Variants in VWC2L observed in about 807,000 individuals in gnomAD.
VWC2L encodes von Willebrand factor C domain containing 2 like, also known as von Willebrand factor C domain-containing protein 2-like.
VWC2L carries 10 observed loss-of-function variants against 21.6 expected under a neutral mutation model. That is an observed-to-expected ratio of 0.46 (90% CI 0.29 to 0.78). VWC2L has a LOEUF of 0.78. VWC2L is among the 30% of genes least tolerant of loss of function. The pLI, the probability that VWC2L is intolerant of heterozygous loss-of-function variation, is 0.10. For synonymous variants in VWC2L, 96 were observed against 94.3 expected (o/e 1.02, Z -0.10); for missense variants, 209 against 277.1 (o/e 0.75, Z 1.74).
chr2:214,471,112 G>C (rs1703303387), intron 3 of VWC2L, among the ~76,000 whole-genome samples: 1 of 151,938 alleles, frequency 6.6e-6, no homozygotes. Flanking sequence ...TTGTCTACAA[G>C]AATGTCTCAA....
chr2:214,491,891 T>A (rs1688750181), intron 3 of VWC2L, among the ~76,000 whole-genome samples: 1 of 152,182 alleles, frequency 6.6e-6, no homozygotes, highest in Admixed American at 6.5e-5. Context: ...CTTCTCCCCC[T>A]TTTTCTCTTG....
At chr2:214,562,713 T>C (rs1453837521) in intron 3 of VWC2L, among the ~76,000 whole-genome samples, 2 of 152,252 alleles carry the variant, frequency 1.3e-5, no homozygotes, top group African/African-American at 2.4e-5. Flanking sequence ...CATTGTGGTT[T>C]TGACTTGCAT....
chr2:214,418,862 T>C (rs1457517685), intron 2 of VWC2L, among the ~76,000 whole-genome samples: 1 of 152,224 alleles, frequency 6.6e-6, no homozygotes, highest in Non-Finnish European at 1.5e-5. Flanking sequence ...CTGCCTATTT[T>C]CGTCCTGCCT....
chr2:214,527,022 T>C (rs1213692490), intron 3 of VWC2L, among the ~76,000 whole-genome samples: 1 of 151,998 alleles, frequency 6.6e-6, no homozygotes, highest in Non-Finnish European at 1.5e-5. Flanking sequence ...GGTGGTTCCG[T>C]GGTAGAAAAT....
chr2:214,477,325 G>A (rs1002630352), intron 3 of VWC2L, among the ~76,000 whole-genome samples: 1 of 152,230 alleles, frequency 6.6e-6, no homozygotes, highest in Non-Finnish European at 1.5e-5. Context: ...TTCTCTGGGA[G>A]CCATAGCTGT....
At position 214,460,745 on chromosome 2, in the gene VWC2L, C is replaced by A. The variant is rs562775144; in HGVS notation, c.520+23987C>A. Among the ~76,000 whole-genome samples the A allele has an allele frequency of 3.9e-5, 6 of 152,100 alleles. No individual in the cohort carries two copies. The East Asian group carries it at 7.7e-4, about 20-fold the overall frequency. On this transcript the variant is annotated intron_variant, in intron 3 of 3. Transcript: ENST00000312504. ...GAACTTAATATCATTATTTTAAATT[C>A]TTTTTCAAGCATTTCATAAATTTTT...
At chr2:214,470,021 G>T (rs949976073) in intron 3 of VWC2L, among the ~76,000 whole-genome samples, 19 of 152,116 alleles carry the variant, frequency 1.2e-4, no homozygotes, top group African/African-American at 4.3e-4. Flanking sequence ...GGAAAAAAAA[G>T]CAAAGCAAAA....
chr2:214,562,101 G>C (rs998213778), intron 3 of VWC2L, among the ~76,000 whole-genome samples: 2 of 151,850 alleles, frequency 1.3e-5, no homozygotes, highest in African/African-American at 2.4e-5. Context: ...TCATCACCCA[G>C]GTATTAAGCC....
intron 3 of VWC2L, among the ~76,000 whole-genome samples, chr2:214,494,382 T>G (rs4637109): frequency 0.91 from 138,484 of 152,192 alleles, 64,310 homozygotes; most frequent in Non-Finnish European, 1. Context: ...CTATTAGAAT[T>G]ACCTAAGACA....
chr2:214,541,837 G>A (rs1448583037), intron 3 of VWC2L, among the ~76,000 whole-genome samples: 3 of 151,858 alleles, frequency 2.0e-5, no homozygotes, highest in African/African-American at 7.3e-5. Flanking sequence ...ATTTTAATCT[G>A]AGTCACTAAA....
At chr2:214,439,922 A>G (rs902074934) in intron 3 of VWC2L, among the ~76,000 whole-genome samples, 1 of 151,950 alleles carries the variant, frequency 6.6e-6, no homozygotes, top group East Asian at 1.9e-4. Context: ...TTAATATTAT[A>G]AAGTGCAGGG....
In VWC2L at chr2:214,575,941, A is replaced by G. The variant is rs1403897211; in HGVS notation, c.*121A>G. On this transcript the variant is annotated 3_prime_UTR_variant, in exon 4 of 4. Transcript: ENST00000312504. Reference sequence around the variant, plus strand: ...CAGCTACAACAGGGTCACCAGCAAAACTTTCTAGGGTTGACAAAAGTGAAT... The same window carrying G: ...CAGCTACAACAGGGTCACCAGCAAAGCTTTCTAGGGTTGACAAAAGTGAAT... 5.9e-6 allele frequency: 7 copies of G among 1,179,910 alleles called. No individual in the cohort carries two copies. The highest frequency in any genetic ancestry group is 8.2e-6 in the Non-Finnish European group (7 of 849,386). The allele number at this position is 1,179,910 out of a possible 1,614,324, so 73.1% of individuals were successfully genotyped here.
At chr2:214,462,502 A>G (rs1703158275) in intron 3 of VWC2L, among the ~76,000 whole-genome samples, 1 of 152,190 alleles carries the variant, frequency 6.6e-6, no homozygotes, top group African/African-American at 2.4e-5. Context: ...TTTGTGGAGG[A>G]AGCTGCTGCT....
chr2:214,477,773 A>C (rs1056932553), intron 3 of VWC2L, among the ~76,000 whole-genome samples: 2 of 152,266 alleles, frequency 1.3e-5, no homozygotes, highest in African/African-American at 2.4e-5. Flanking sequence ...TGAAGTCTTC[A>C]TCTTTCTTTG....
chr2:214,461,450 T>C (rs1703139001), intron 3 of VWC2L, among the ~76,000 whole-genome samples: 1 of 151,968 alleles, frequency 6.6e-6, no homozygotes, highest in Admixed American at 6.6e-5. Flanking sequence ...CACAACCAGG[T>C]GAGTGTTGGC....
chr2:214,415,716 A>G (rs2126169117), intron 2 of VWC2L, among the ~76,000 whole-genome samples: 1 of 152,302 alleles, frequency 6.6e-6, no homozygotes, highest in Non-Finnish European at 1.5e-5. Context: ...GAACCAGGTT[A>G]GCGGTTCAAG....
chr2:214,465,030 G>C (rs1175523264), intron 3 of VWC2L, among the ~76,000 whole-genome samples: 1 of 152,078 alleles, frequency 6.6e-6, no homozygotes, highest in Non-Finnish European at 1.5e-5. Context: ...CTCCTTTCAA[G>C]GCAATGGGCT....
intron 3 of VWC2L, among the ~76,000 whole-genome samples, chr2:214,567,869 A>G (rs1690093091): frequency 6.6e-6 from 1 of 152,162 alleles, no homozygotes; most frequent in African/African-American, 2.4e-5. Flanking sequence ...AGGAGAAAAT[A>G]AGGCCATGTA....
chr2:214,528,473 A>G (rs1422086158), intron 3 of VWC2L, among the ~76,000 whole-genome samples: 1 of 152,232 alleles, frequency 6.6e-6, no homozygotes, highest in Non-Finnish European at 1.5e-5. Flanking sequence ...TCTCAAGACA[A>G]TTGTAATATC....
Sources: gnomAD v4.1 joint callset for allele counts (sites outside exome capture counted in the v4.1 genomes callset) on GRCh38, gnomAD v4.1.1 for gene constraint, MANE v1.5 for transcripts, NCBI Gene and HGNC (gene_info 2026-07-23, HGNC 2026-07-21) for gene names.